The following SYNE1 variants were observed in gnomAD, a reference collection of about 807,000 sequenced individuals.
SYNE1 encodes spectrin repeat containing nuclear envelope protein 1.
Under a neutral mutation model 1,111.0 loss-of-function variants are expected in SYNE1, and 616 were observed. The ratio of observed to expected loss-of-function variants is 0.55; its 90% CI spans 0.52 to 0.59. The LOEUF (loss-of-function observed/expected upper bound fraction) is 0.59, where lower values mean the gene tolerates loss of function less well. Ranked by LOEUF, SYNE1 falls within the 20% of genes least tolerant of loss-of-function variation. SYNE1 has a pLI of 0.00. For missense variants in SYNE1, 10,006 were observed against 10,417.0 expected (o/e 0.96, Z 1.72); for synonymous variants, 3,855 against 3,825.8 (o/e 1.01, Z -0.28).
chr6:152,318,029 A>G (rs1372993335), intron 86 of SYNE1, 52 bp downstream of exon 86: 6 of 1,605,030 alleles, frequency 3.7e-6, no homozygotes, highest in Non-Finnish European at 5.1e-6. Flanking sequence ...GAAAAGCAGA[A>G]CATGGAAGTT....
chr6:152,406,882 A>C, intron 45 of SYNE1, 132 bp downstream of exon 45: 2 of 529,864 alleles, frequency 3.8e-6, no homozygotes, highest in South Asian at 7.5e-5. Context: ...AAATAATAAT[A>C]ATATAATAAT....
chr6:152,412,579 A>C (rs1399333604), intron 42 of SYNE1, among the ~76,000 whole-genome samples: 1 of 152,250 alleles, frequency 6.6e-6, no homozygotes, highest in Non-Finnish European at 1.5e-5. Flanking sequence ...TCCTGGTTGC[A>C]GGGGGCCTAA....
chr6:152,372,351 A>G (rs1389038531), intron 59 of SYNE1, among the ~76,000 whole-genome samples: 1 of 152,214 alleles, frequency 6.6e-6, no homozygotes, highest in Admixed American at 6.5e-5. Context: ...TTTCTCTATC[A>G]TTATCTTTTT....
rs1356515156 is a variant in SYNE1 at position 152,447,549 on chromosome 6, T to C, written c.3578A>G (p.Glu1193Gly). Residue 1193 changes from glutamate (E) to glycine (G), a missense_variant, in exon 29 of 146, where the codon GAA becomes GGA. Physicochemically the swap from Glu to Gly is moderately conservative, Grantham distance 98 (BLOSUM62 -2). Coordinates refer to ENST00000367255, the MANE Select transcript of SYNE1 (RefSeq NM_182961.4). ...WLKSRLKVLTEVSSENEAQKQ... is the reference protein window; with the variant it reads ...WLKSRLKVLTGVSSENEAQKQ... ...TTGGGCTTCATTCTCAGAAGAAACT[T>C]CTGTCAAAACTTTCAGCCTGGATTT... 6.2e-7 allele frequency: 1 copy of C among 1,614,212 alleles called. No individual in the cohort carries two copies. The highest frequency in any genetic ancestry group is 1.1e-5 in the South Asian group (1 of 91,088).
chr6:152,546,174 G>T (rs2099311911), intron 3 of SYNE1: 1 of 152,104 alleles, frequency 6.6e-6, no homozygotes. Context: ...TATTATATAT[G>T]GGTAGGGAAT....
At chr6:152,549,669 T>C (rs1190372052) in intron 3 of SYNE1, among the ~76,000 whole-genome samples, 3 of 152,122 alleles carry the variant, frequency 2.0e-5, no homozygotes, top group African/African-American at 7.2e-5. Flanking sequence ...AGAGAGAAAA[T>C]TAATAGCTAT....
chr6:152,626,732 A>C (rs1399164480), intron 3 of SYNE1, among the ~76,000 whole-genome samples: 3 of 152,218 alleles, frequency 2.0e-5, no homozygotes, highest in African/African-American at 7.2e-5. Context: ...CAGGCAGATA[A>C]ACACGAGTGG....
chr6:152,341,990 TAAAA>T (rs1181824728), intron 74 of SYNE1, among the ~76,000 whole-genome samples: 1 of 151,778 alleles, frequency 6.6e-6, no homozygotes, highest in African/African-American at 2.4e-5. Context: ...AAATAAAAAA[TAAAA>T]AAAGGGAACA....
intron 3 of SYNE1, among the ~76,000 whole-genome samples, chr6:152,547,548 C>A (rs1178540245): frequency 6.6e-6 from 1 of 152,142 alleles, no homozygotes; most frequent in Non-Finnish European, 1.5e-5. Context: ...CAGAAATGAG[C>A]TGTTTCATTT....
intron 3 of SYNE1, among the ~76,000 whole-genome samples, chr6:152,553,504 A>G (rs1027955233): frequency 2.6e-5 from 4 of 152,154 alleles, no homozygotes; most frequent in Non-Finnish European, 5.9e-5. Flanking sequence ...CCTCCAAGCT[A>G]GGCCATGATG....
At chr6:152,287,700 C>T (rs1320765693) in intron 95 of SYNE1, among the ~76,000 whole-genome samples, 2 of 152,174 alleles carry the variant, frequency 1.3e-5, no homozygotes, top group Non-Finnish European at 2.9e-5. Context: ...GCATGCACCA[C>T]CACACCCAGC....
chr6:152,409,511 C>A, intron 43 of SYNE1, 48 bp downstream of exon 43: 1 of 1,606,552 alleles, frequency 6.2e-7, no homozygotes, highest in East Asian at 2.2e-5. Context: ...GAGTAAAAAC[C>A]AGATCTACTA....
At chr6:152,377,608 TAAAAAAAAAAAAAAAAAAA>T (rs869031827) in intron 56 of SYNE1, among the ~76,000 whole-genome samples, 4 of 31,368 alleles carry the variant, frequency 1.3e-4, no homozygotes, top group African/African-American at 3.9e-4. Context: ...AACTCCGTCT[TAAAAAAAAAAAAAAAAAAA>T]AAAAAAAAAA....
chr6:152,167,011 GAGCAACATTACTTTTGGTA>G (rs2063797934), intron 130 of SYNE1, among the ~76,000 whole-genome samples: 1 of 152,130 alleles, frequency 6.6e-6, no homozygotes, highest in African/African-American at 2.4e-5. Context: ...TGAGAAGTCT[GAGCAACATTACTTTTGGTA>G]AGCATCCAGG....
chr6:152,269,181 G>T lies in SYNE1; in HGVS notation c.18679C>A (p.Arg6227=). 1 of 1,614,182 alleles carries T rather than the reference G, an allele frequency of 6.2e-7. No individual in the cohort carries two copies. Among genetic ancestry groups the T allele is most frequent in the Non-Finnish European group, 8.5e-7 (1 of 1,180,022 alleles). ...TTTTGTTGCTGGAGACTGCTCTGCC[G>T]CTGCTGGGTCCATGTGGTGCGAGCT... ...AQARTTWTQQ[R]QSSLQQQKEL... The change falls in exon 99 of 146, where the codon CGG becomes AGG. Residue 6227 remains arginine, a synonymous_variant. Coordinates refer to ENST00000367255, the MANE Select transcript of SYNE1 (RefSeq NM_182961.4).
chr6:152,282,126 C>G (rs987686540), intron 96 of SYNE1, 146 bp from the exon 97 acceptor site: 19 of 764,748 alleles, frequency 2.5e-5, no homozygotes, highest in Non-Finnish European at 3.7e-5. Flanking sequence ...AGGCCACATC[C>G]CAGAACAACA....
In SYNE1 at chr6:152,463,619, A is replaced by G. The variant is rs1024163621; in HGVS notation, c.1933-102T>C. 2.9e-5 allele frequency: 29 copies of G among 1,015,106 alleles called. No homozygotes were observed. The Admixed American group carries it at 4.9e-4, about 17-fold the overall frequency. 62.9% of individuals were successfully genotyped at this position (1,015,106 alleles called of 1,614,324 possible). ...GAAAAATATTTTTGTTTTAACATTC[A>G]TGTGAATTTTAAGATAAATCACAAA... On this transcript the variant is annotated intron_variant, in intron 18 of 145. Transcript: ENST00000367255.
Position 152,133,449 on chromosome 6 carries a change from C to T in SYNE1, c.25828G>A (p.Ala8610Thr), listed in dbSNP as rs780252743. The change falls in exon 143 of 146, where the codon GCC (alanine) becomes ACC (threonine). Residue 8610 changes from alanine to threonine, a missense_variant. Physicochemically the swap from Ala to Thr is moderately conservative, Grantham distance 58 (BLOSUM62 0). Around this residue, in one of 7 missense-constraint regions of SYNE1, gnomAD observed 761 missense variants for 795.5 expected, o/e 0.96. Coordinates refer to ENST00000367255, the MANE Select transcript of SYNE1 (RefSeq NM_182961.4). ...HELLESQLRV[A>T]SLQDMSCQLL... ...TGGCAAGACATGTCTTGCAAAGAGGCTACTCTGAGTTGGGATTCCAACAGC... is the reference window on the plus strand; with the variant it reads ...TGGCAAGACATGTCTTGCAAAGAGGTTACTCTGAGTTGGGATTCCAACAGC... 6 of 1,614,192 alleles carry T rather than the reference C, an allele frequency of 3.7e-6. No individual in the cohort carries two copies. Among genetic ancestry groups the T allele is most frequent in the Non-Finnish European group, 8.5e-7 (1 of 1,180,030 alleles).
chr6:152,131,320 T>A, intron 144 of SYNE1, among the ~76,000 whole-genome samples: 1 of 131,324 alleles, frequency 7.6e-6, no homozygotes. Context: ...AGGAAACTAG[T>A]GAATGTAGTA....
Sources: allele counts gnomAD v4.1 joint callset (sites outside exome capture counted in the v4.1 genomes callset), GRCh38; gene constraint gnomAD v4.1.1; regional missense constraint gnomAD v4.1.1; transcripts MANE v1.5; gene names NCBI Gene and HGNC (gene_info 2026-07-23, HGNC 2026-07-21).